Variants in ATP2A1 observed in about 807,000 individuals in gnomAD.
ATP2A1 encodes sarcoplasmic/endoplasmic reticulum calcium ATPase 1.
A neutral mutation model predicts 109.5 loss-of-function variants in ATP2A1; 83 were observed. The observed-to-expected ratio is 0.76, with a 90% CI of 0.63 to 0.91. ATP2A1 has a LOEUF of 0.91. ATP2A1 is among the 40% of genes least tolerant of loss of function. ATP2A1 has a pLI of 0.00. For missense variants in ATP2A1, 1,101 were observed against 1,341.0 expected (o/e 0.82, Z 2.80); for synonymous variants, 505 against 537.6 (o/e 0.94, Z 0.84).
chr16:28,879,329 G>T, intron 2 of ATP2A1, 172 bp from the exon 3 acceptor site: 1 of 842,218 alleles, frequency 1.2e-6, no homozygotes. Flanking sequence ...CCCCCACTTT[G>T]CCGAGTCTGT....
In ATP2A1 at chr16:28,904,206, G is replaced by A. The variant is rs10499; in HGVS notation, c.*64G>A. On this transcript the variant is annotated 3_prime_UTR_variant, in exon 23 of 23. Transcript: ENST00000395503. ...TCCAGAAGATGAAAGAAGGAAGTGA[G>A]CATCCTTTTGCTCTGTCCTCCCCAC... is the stretch of plus-strand genomic sequence containing the variant. 1,091,490 of 1,611,856 alleles carry A rather than the reference G, an allele frequency of 0.68. 376,423 individuals carry two copies. Among genetic ancestry groups the A allele is most frequent in the African/African-American group, 0.94 (70,606 of 74,952 alleles).
chr16:28,900,601 T>C lies in ATP2A1; in HGVS notation c.1785T>C (p.Gly595=), dbSNP rs2152213350. The C allele has an allele frequency of 6.4e-7, 1 of 1,573,080 alleles. No homozygotes were observed. The highest frequency in any genetic ancestry group is 8.6e-7 in the Non-Finnish European group (1 of 1,156,072). The change falls in exon 15 of 23, where the codon GGT becomes GGC. Residue 595 remains glycine (G), a synonymous_variant. Coordinates refer to ENST00000395503, the MANE Select transcript of ATP2A1 (RefSeq NM_004320.6). ...CCCAGACGGACCTGACATTCGTGGG[T>C]GTAGTGGGCATGCTGGACCCTCCGC... ...LEYETDLTFV[G]VVGMLDPPRK... is the part of the protein sequence containing the mutation.
intron 5 of ATP2A1, among the ~76,000 whole-genome samples, 190 bp from the exon 6 acceptor site, chr16:28,884,385 G>A (rs1395334879): frequency 6.6e-6 from 1 of 152,190 alleles, no homozygotes; most frequent in Non-Finnish European, 1.5e-5. Flanking sequence ...GGGGGCAGAA[G>A]GGATGGGTGT....
Position 28,902,832 on chromosome 16 carries a change from G to A in ATP2A1, c.2665G>A (p.Glu889Lys). 8 of 1,613,878 alleles carry A rather than the reference G, an allele frequency of 5.0e-6. No individual in the cohort carries two copies. The highest frequency in any genetic ancestry group is 5.9e-6 in the Non-Finnish European group (7 of 1,179,896). The change falls in exon 19 of 23, where the codon GAG (glutamate) becomes AAG (lysine). Residue 889 changes from glutamate (E) to lysine (K), a missense_variant. Coordinates refer to ENST00000395503, the MANE Select transcript of ATP2A1 (RefSeq NM_004320.6). The surrounding 1 kb of genome is among the most constrained non-coding windows in gnomAD (Gnocchi z 4.8). ...DNTHFEGIDC[E>K]VFEAPEPMTM... The stretch of plus-strand genomic sequence containing the variant: ...CACCCACTTTGAGGGCATAGACTGT[G>A]AGGTCTTCGAGGCCCCCGAGCCCAT...
chr16:28,894,985 T>A, intron 12 of ATP2A1, 32 bp downstream of exon 12: 1 of 1,608,142 alleles, frequency 6.2e-7, no homozygotes, highest in Non-Finnish European at 8.5e-7. Flanking sequence ...CACAGGGCCG[T>A]CTCCACTCTA....
Position 28,903,637 on chromosome 16 carries a change from C to T in ATP2A1, c.2981-63C>T. 7.3e-7 allele frequency: 1 copy of T among 1,374,746 alleles called. No homozygotes were observed. Among genetic ancestry groups the T allele is most frequent in the Non-Finnish European group, 1.0e-6 (1 of 961,556 alleles). 85.2% of individuals were successfully genotyped at this position (1,374,746 alleles called of 1,614,324 possible). Reference sequence around the variant, plus strand: ...CACTGCCTCCTCAGCCCCCACAGCCCCTATAGCCCCCATGCCACCTCCCTG... The same window carrying T: ...CACTGCCTCCTCAGCCCCCACAGCCTCTATAGCCCCCATGCCACCTCCCTG... On this transcript the variant is annotated intron_variant, in intron 21 of 22. Transcript: ENST00000395503. The surrounding 1 kb of genome is among the most constrained non-coding windows in gnomAD (Gnocchi z 5.6).
In ATP2A1 at chr16:28,904,333, TCCTTC is replaced by T; in HGVS notation, c.*194_*198del. ...GTTTATAAACATGTCCCCTTCCCTT[TCCTTC>T]CCCCTCGGCCACCCGCCTCCCTCTC... On this transcript the variant is annotated 3_prime_UTR_variant, in exon 23 of 23. Coordinates refer to ENST00000395503, the MANE Select transcript of ATP2A1 (RefSeq NM_004320.6). 3 of 1,562,724 alleles carry T rather than the reference TCCTTC, an allele frequency of 1.9e-6. No homozygotes were observed. The highest frequency in any genetic ancestry group is 2.6e-6 in the Non-Finnish European group (3 of 1,158,726).
In ATP2A1 at chr16:28,903,820, C is replaced by T; in HGVS notation, c.*37+79C>T. 3 of 1,329,682 alleles carry T rather than the reference C, an allele frequency of 2.3e-6. No homozygotes were observed. The South Asian group carries it at 3.5e-5, about 16-fold the overall frequency. 82.4% of individuals were successfully genotyped at this position (1,329,682 alleles called of 1,614,324 possible). A position where few individuals can be genotyped will look rare whatever the true frequency, so the allele number is the denominator to read the frequency against. On this transcript the variant is annotated intron_variant, in intron 22 of 22. Transcript: ENST00000395503. The surrounding 1 kb of genome is among the most constrained non-coding windows in gnomAD (Gnocchi z 5.6). ...CCCCTCAGCCCCTTGCGCGTCGCAT[C>T]CAAGGTCACTTGTGCTCGCAGCTCC...
At chr16:28,887,131 G>A in intron 6 of ATP2A1, 58 bp from the exon 7 acceptor site, 1 of 1,562,638 alleles carries the variant, frequency 6.4e-7, no homozygotes, top group Non-Finnish European at 8.8e-7. Flanking sequence ...GTTAGGCACG[G>A]GAAGCCTGGG....
chr16:28,896,865 G>C (rs923721857), intron 12 of ATP2A1, among the ~76,000 whole-genome samples: 10 of 151,392 alleles, frequency 6.6e-5, no homozygotes, highest in Non-Finnish European at 1.5e-5. Flanking sequence ...GGCTGATTTT[G>C]TATTTTTAGT....
At chr16:28,886,350 T>C (rs1368358061) in intron 6 of ATP2A1, among the ~76,000 whole-genome samples, 1 of 151,942 alleles carries the variant, frequency 6.6e-6, no homozygotes, top group Non-Finnish European at 1.5e-5. Flanking sequence ...AAAACCACCA[T>C]AGCTGCTTCT....
chr16:28,895,083 C>T, intron 12 of ATP2A1, 130 bp downstream of exon 12: 1 of 1,355,888 alleles, frequency 7.4e-7, no homozygotes, highest in Admixed American at 1.9e-5. Flanking sequence ...CAGACAGCCC[C>T]TGCAGCTTCT....
At chr16:28,889,954 C>T (rs1963724719) in intron 9 of ATP2A1, among the ~76,000 whole-genome samples, 1 of 152,052 alleles carries the variant, frequency 6.6e-6, no homozygotes, top group Non-Finnish European at 1.5e-5. Context: ...TGAGCCTGGC[C>T]AACATGGTGA....
Position 28,880,057 on chromosome 16 carries a change from C to T in ATP2A1, c.219+474C>T. The T allele has an allele frequency of 2.0e-6, 2 of 1,003,802 alleles. No individual in the cohort carries two copies. The highest frequency in any genetic ancestry group is 2.4e-6 in the Non-Finnish European group (2 of 844,244). 62.2% of individuals were successfully genotyped at this position (1,003,802 alleles called of 1,614,324 possible). A position where few individuals can be genotyped will look rare whatever the true frequency, so the allele number is the denominator to read the frequency against. ...ACTCGCTCCTAGTGGCGGGAAAGCG[C>T]GGCGGTGTGATGATGACTCCAAGGA... On this transcript the variant is annotated intron_variant, in intron 3 of 22. Coordinates refer to ENST00000395503, the MANE Select transcript of ATP2A1 (RefSeq NM_004320.6). The surrounding 1 kb of genome is among the most constrained non-coding windows in gnomAD (Gnocchi z 4.2).
At chr16:28,887,964 C>T (rs958832108) in intron 8 of ATP2A1, among the ~76,000 whole-genome samples, 1 of 152,148 alleles carries the variant, frequency 6.6e-6, no homozygotes, top group Non-Finnish European at 1.5e-5. Flanking sequence ...CCATGCCTGG[C>T]TAATTTTTTT....
chr16:28,901,804 T>G, intron 15 of ATP2A1, 59 bp from the exon 16 acceptor site: 1 of 1,472,028 alleles, frequency 6.8e-7, no homozygotes, highest in African/African-American at 1.4e-5. Flanking sequence ...AATAAAACCT[T>G]TTTTAAAAAG....
intron 8 of ATP2A1, among the ~76,000 whole-genome samples, 180 bp downstream of exon 8, chr16:28,887,902 G>T (rs1474891703): frequency 1.3e-5 from 2 of 152,108 alleles, no homozygotes; most frequent in Non-Finnish European, 2.9e-5. Flanking sequence ...GCGGGTTCAC[G>T]CCATTCTCCT....
At position 28,904,241 on chromosome 16, in the gene ATP2A1, G is replaced by A. The variant is rs780359350; in HGVS notation, c.*99G>A. ...GCTCTGTCCTCCCCACCCCGATAGTGACACATCTTCAGGCAGAGCTGTGGC... is the reference window on the plus strand; with the variant it reads ...GCTCTGTCCTCCCCACCCCGATAGTAACACATCTTCAGGCAGAGCTGTGGC... On this transcript the variant is annotated 3_prime_UTR_variant, in exon 23 of 23. Coordinates refer to ENST00000395503, the MANE Select transcript of ATP2A1 (RefSeq NM_004320.6). 4.3e-6 allele frequency: 7 copies of A among 1,613,566 alleles called. No individual in the cohort carries two copies. In the South Asian group the frequency reaches 6.6e-5, roughly 15 times the overall value.
rs745735448 is a variant in ATP2A1 at position 28,902,286 on chromosome 16, C to T, written c.2424C>T (p.Gly808=). Residue 808 remains glycine, a synonymous_variant, in exon 17 of 23, where the codon GGC becomes GGT. Coordinates refer to ENST00000395503, the MANE Select transcript of ATP2A1 (RefSeq NM_004320.6). The surrounding 1 kb of genome is among the most constrained non-coding windows in gnomAD (Gnocchi z 4.8). ...ACGGGCTCCCAGCCACAGCCCTGGGCTTCAACCCACCAGACCTGGACATCA... is the reference window on the plus strand; with the variant it reads ...ACGGGCTCCCAGCCACAGCCCTGGGTTTCAACCCACCAGACCTGGACATCA... ...VTDGLPATAL[G]FNPPDLDIMD... 7 of 1,614,020 alleles carry T rather than the reference C, an allele frequency of 4.3e-6. No individual in the cohort carries two copies. In the Admixed American group the frequency reaches 1.2e-4, roughly 27 times the overall value.
Sources: allele counts gnomAD v4.1 joint callset (sites outside exome capture counted in the v4.1 genomes callset), GRCh38; gene constraint gnomAD v4.1.1; non-coding constraint Gnocchi (gnomAD v3.1); transcripts MANE v1.5; gene names NCBI Gene and HGNC (gene_info 2026-07-23, HGNC 2026-07-21).